Variants in TP63 observed in about 807,000 individuals in gnomAD.
The protein encoded by TP63 is tumor protein p63, also known as tumor protein 63.
In TP63, 17 loss-of-function variants were observed where a neutral mutation model predicts 82.8. The ratio of observed to expected loss-of-function variants is 0.21; its 90% CI spans 0.14 to 0.31. TP63 has a LOEUF of 0.31. TP63 is among the 10% of genes least tolerant of loss of function. TP63 has a pLI of 1.00. For missense variants in TP63, 648 were observed against 895.3 expected, an observed-to-expected ratio of 0.72 and a Z score of 3.52; for synonymous variants, 330 against 321.7, an observed-to-expected ratio of 1.03 and a Z score of -0.28.
intron 1 of TP63, among the ~76,000 whole-genome samples, chr3:189,697,344 G>A (rs1717463970): frequency 6.6e-6 from 1 of 150,542 alleles, no homozygotes; most frequent in Non-Finnish European, 1.5e-5. Context: ...CCCAAGATCA[G>A]TTGACGGTAT....
chr3:189,676,165 G>A (rs1382662869), intron 1 of TP63, among the ~76,000 whole-genome samples: 1 of 152,030 alleles, frequency 6.6e-6, no homozygotes, highest in African/African-American at 2.4e-5. Flanking sequence ...TTGTGTGTGT[G>A]ATGAGGACAC....
intron 4 of TP63, among the ~76,000 whole-genome samples, chr3:189,825,954 C>T (rs559733525): frequency 1.3e-5 from 2 of 152,270 alleles, no homozygotes; most frequent in African/African-American, 4.8e-5. Context: ...CTCTCTCTCC[C>T]CCACTTGCTT....
At chr3:189,722,364 T>C (rs368773131) in intron 1 of TP63, among the ~76,000 whole-genome samples, 36 of 152,208 alleles carry the variant, frequency 2.4e-4, no homozygotes, top group African/African-American at 8.2e-4. Context: ...AGCGCGTCTT[T>C]AGTGTCAGCA....
chr3:189,665,180 C>G (rs1714275914), intron 1 of TP63, among the ~76,000 whole-genome samples: 1 of 152,068 alleles, frequency 6.6e-6, no homozygotes, highest in South Asian at 2.1e-4. Context: ...TTTCTTCACT[C>G]TGTGTTCAGT....
At chr3:189,665,417 T>C (rs1430421021) in intron 1 of TP63, among the ~76,000 whole-genome samples, 1 of 152,148 alleles carries the variant, frequency 6.6e-6, no homozygotes, top group Non-Finnish European at 1.5e-5. Context: ...GATAAGCTAC[T>C]TTTTGTCAGG....
At chr3:189,641,394 A>T (rs1420362253) in intron 1 of TP63, among the ~76,000 whole-genome samples, 1 of 152,146 alleles carries the variant, frequency 6.6e-6, no homozygotes, top group African/African-American at 2.4e-5. Context: ...AGATAAAAGT[A>T]ATTGTGACTT....
chr3:189,638,540 T>C (rs1711535104), intron 1 of TP63, among the ~76,000 whole-genome samples: 1 of 152,130 alleles, frequency 6.6e-6, no homozygotes. Context: ...GAGATATATC[T>C]GACTCTTAGA....
chr3:189,780,098 A>G (rs988129506), intron 3 of TP63, among the ~76,000 whole-genome samples: 2 of 152,248 alleles, frequency 1.3e-5, no homozygotes, highest in African/African-American at 4.8e-5. Context: ...CCTAGCAAGC[A>G]CAAGCTAAGT....
chr3:189,763,568 G>A (rs1722736431), intron 3 of TP63, among the ~76,000 whole-genome samples: 2 of 152,202 alleles, frequency 1.3e-5, no homozygotes, highest in Non-Finnish European at 2.9e-5. Flanking sequence ...GGAAAGTAAA[G>A]CTGTAAAGAG....
the TP63 span, among the ~76,000 whole-genome samples, chr3:189,614,907 C>T: frequency 6.6e-6 from 1 of 152,196 alleles, no homozygotes; most frequent in Non-Finnish European, 1.5e-5. Context: ...TCCACCTACA[C>T]AGCTACTTCC....
At chr3:189,866,195 T>G (rs1265418703) in intron 5 of TP63, among the ~76,000 whole-genome samples, 1 of 152,216 alleles carries the variant, frequency 6.6e-6, no homozygotes, top group Non-Finnish European at 1.5e-5. Context: ...AACACAATGT[T>G]TAAAAGTTGA....
chr3:189,781,305 A>G (rs1724211993), intron 3 of TP63, among the ~76,000 whole-genome samples: 1 of 152,180 alleles, frequency 6.6e-6, no homozygotes, highest in African/African-American at 2.4e-5. Context: ...TCTTGGAGTG[A>G]CTTATCCACC....
chr3:189,880,227 A>T, intron 10 of TP63: 1 of 1,594,954 alleles, frequency 6.3e-7, no homozygotes, highest in African/African-American at 1.3e-5. Flanking sequence ...CCATGTGTAT[A>T]TGTGAGTGTG....
rs1719826763 is a variant in TP63, at chr3:189,880,803, A to T, written c.1350-5591A>T. 4.1e-6 allele frequency: 4 copies of T among 985,226 alleles called. No homozygotes were observed. The Admixed American group carries it at 2.5e-4, about 61-fold the overall frequency. 61.0% of individuals were successfully genotyped at this position (985,226 alleles called of 1,614,324 possible). On this transcript the variant is annotated intron_variant, in intron 10 of 13. Coordinates refer to ENST00000264731, the MANE Select transcript of TP63 (RefSeq NM_003722.5). ...TGGAGAGTTCTTTGTGAGAACTTGC[A>T]TTATTTGTGTCCTCCCCTCATGTGT...
chr3:189,872,430 CACAT>C (rs1273265731), intron 9 of TP63, among the ~76,000 whole-genome samples: 2 of 145,114 alleles, frequency 1.4e-5, no homozygotes, highest in African/African-American at 2.6e-5. Context: ...CACACACACA[CACAT>C]ATTTTCTCCA....
At chr3:189,838,036 G>T (rs1390128557) in intron 4 of TP63, among the ~76,000 whole-genome samples, 2 of 152,154 alleles carry the variant, frequency 1.3e-5, no homozygotes, top group East Asian at 3.8e-4. Context: ...TCTCTAAGCA[G>T]AAGGAAATTT....
chr3:189,724,881 G>C (rs1719656508), intron 1 of TP63, among the ~76,000 whole-genome samples: 1 of 152,142 alleles, frequency 6.6e-6, no homozygotes. Context: ...GGGTGGATGG[G>C]GGTACGGGAG....
chr3:189,761,697 A>G (rs1321882563), intron 3 of TP63, among the ~76,000 whole-genome samples: 2 of 152,072 alleles, frequency 1.3e-5, no homozygotes, highest in East Asian at 3.9e-4. Context: ...GCAACACCAC[A>G]CTTCTGGTAC....
chr3:189,881,382 C>A (rs1426058661), intron 10 of TP63: 1 of 985,298 alleles, frequency 1.0e-6, no homozygotes, highest in East Asian at 1.1e-4. Flanking sequence ...TCTTCCCACA[C>A]CCAGTCACCA....
Sources: allele counts gnomAD v4.1 joint callset (sites outside exome capture counted in the v4.1 genomes callset), GRCh38; gene constraint gnomAD v4.1.1; transcripts MANE v1.5; gene names NCBI Gene and HGNC (gene_info 2026-07-23, HGNC 2026-07-21).